NUP153: variants seen among roughly 807,000 people sequenced by gnomAD.
The protein encoded by NUP153 is nucleoporin 153, also known as nuclear pore complex protein Nup153.
NUP153 carries 27 observed loss-of-function variants against 134.6 expected under a neutral mutation model. The observed-to-expected ratio is 0.20, with a 90% CI of 0.15 to 0.28. NUP153 has a LOEUF of 0.28. NUP153 is among the 10% of genes least tolerant of loss of function. NUP153 has a pLI of 1.00. For synonymous variants in NUP153, 640 were observed against 623.5 expected, an observed-to-expected ratio of 1.03 and a Z score of -0.40; for missense variants, 1,821 against 1,731.3, an observed-to-expected ratio of 1.05 and a Z score of -0.92.
chr6:17,646,032 G>A (rs1766155111), intron 14 of NUP153, 35 bp downstream of exon 14: 1 of 931,596 alleles, frequency 1.1e-6, no homozygotes. Flanking sequence ...GTATGCAATT[G>A]TTTGTATGTT....
chr6:17,646,899 C>T (rs1228878998), intron 13 of NUP153, among the ~76,000 whole-genome samples: 2 of 148,486 alleles, frequency 1.3e-5, no homozygotes, highest in African/African-American at 2.5e-5. Context: ...ACCACCATGC[C>T]TGGCTAATTC....
chr6:17,616,203 T>C (rs1269974350), intron 21 of NUP153, 22 bp from the exon 22 acceptor site: 2 of 1,514,232 alleles, frequency 1.3e-6, no homozygotes, highest in East Asian at 5.3e-5. Flanking sequence ...AAAAACTTCA[T>C]AATGTGACAT....
chr6:17,661,039 G>A (rs1767144058), intron 11 of NUP153, among the ~76,000 whole-genome samples: 1 of 152,086 alleles, frequency 6.6e-6, no homozygotes, highest in African/African-American at 2.4e-5. Flanking sequence ...GACAGGCAGG[G>A]CACGGTGGCT....
chr6:17,616,666 T>C lies in NUP153; in HGVS notation c.4204A>G (p.Thr1402Ala), dbSNP rs774932372. ...CTGTTGTTTGTGAAGTTGAAATTTG[T>C]AGTGCTGCTGCCAAACTGGAAAGCC... ...SSAFQFGSST[T>A]NFNFTNNSPS... Residue 1402 changes from threonine (T) to alanine (A), a missense_variant, in exon 21 of 22, where the codon ACA (threonine) becomes GCA (alanine). Coordinates refer to ENST00000262077, the MANE Select transcript of NUP153 (RefSeq NM_005124.4). The C allele has an allele frequency of 1.5e-5, 25 of 1,613,730 alleles. No individual in the cohort carries two copies. Among genetic ancestry groups the C allele is most frequent in the Admixed American group, 1.0e-4 (6 of 59,998 alleles).
chr6:17,637,506 C>A lies in NUP153; in HGVS notation c.2111G>T (p.Gly704Val), dbSNP rs1337186919. The change falls in exon 16 of 22, where the codon GGC becomes GTC. Residue 704 changes from glycine (G) to valine (V), a missense_variant. Transcript: ENST00000262077. The stretch of plus-strand genomic sequence containing the variant: ...CCCTGATGCAGAAAGAGTTGTTTTG[C>A]CACTTTTATTTGGTGTTTCAATTCC... ...QTGIETPNKS[G>V]KTTLSASGTG... 2 of 1,614,046 alleles carry A rather than the reference C, an allele frequency of 1.2e-6. No homozygotes were observed. The highest frequency in any genetic ancestry group is 1.7e-6 in the Non-Finnish European group (2 of 1,180,042).
chr6:17,616,019 C>T lies in NUP153; in HGVS notation c.*78G>A. On this transcript the variant is annotated 3_prime_UTR_variant, in exon 22 of 22. Transcript: ENST00000262077. ...TAGGCAGATCTGACTTCAGATAACCCCAGCACAAAGTACAATCCAGTATCT... is the reference window on the plus strand; with the variant it reads ...TAGGCAGATCTGACTTCAGATAACCTCAGCACAAAGTACAATCCAGTATCT... The T allele has an allele frequency of 9.4e-7, 1 of 1,058,702 alleles. No homozygotes were observed. The highest frequency in any genetic ancestry group is 1.3e-5 in the South Asian group (1 of 75,464). The allele number at this position is 1,058,702 out of a possible 1,614,324, so 65.6% of individuals were successfully genotyped here.
chr6:17,638,385 T>A lies in NUP153; in HGVS notation c.1847-615A>T, dbSNP rs184385495. Among the ~76,000 whole-genome samples, 2 of 152,306 alleles carry A rather than the reference T, an allele frequency of 1.3e-5. No individual in the cohort carries two copies. Among genetic ancestry groups the A allele is most frequent in the Admixed American group, 1.3e-4 (2 of 15,296 alleles). ...TTTTGTCTTACACACAACACCACCA[T>A]CTGTGATCTGTTTCTCCAGCCTTAC... On this transcript the variant is annotated intron_variant, in intron 15 of 21. Transcript: ENST00000262077. This position sits in a 1 kb window ranked among gnomAD's most constrained non-coding sequence, Gnocchi z 4.0.
At chr6:17,637,814 T>C (rs1193213719) in intron 15 of NUP153, 44 bp from the exon 16 acceptor site, 6 of 1,535,736 alleles carry the variant, frequency 3.9e-6, no homozygotes, top group Non-Finnish European at 5.2e-6. Flanking sequence ...AGAAGCTTTA[T>C]AAATCAAAGC....
At chr6:17,637,122 G>A (rs779590384) in intron 16 of NUP153, 31 bp downstream of exon 16, 1 of 1,567,854 alleles carries the variant, frequency 6.4e-7, no homozygotes, top group Non-Finnish European at 8.7e-7. Context: ...GAAGTAATAA[G>A]CAAAATTACT....
chr6:17,647,660 T>C, intron 13 of NUP153, 147 bp downstream of exon 13: 1 of 599,318 alleles, frequency 1.7e-6, no homozygotes, highest in Non-Finnish European at 2.9e-6. Flanking sequence ...GAATACATGA[T>C]TGTTCAAAAG....
intron 1 of NUP153, among the ~76,000 whole-genome samples, chr6:17,690,455 T>C (rs987545329): frequency 1.3e-5 from 2 of 152,174 alleles, no homozygotes; most frequent in Non-Finnish European, 2.9e-5. Flanking sequence ...TTTGATTTAC[T>C]CTAGGTAAAA....
chr6:17,675,421 T>G lies in NUP153; in HGVS notation c.584-53A>C. On this transcript the variant is annotated intron_variant, in intron 3 of 21. Transcript: ENST00000262077. The surrounding 1 kb of genome is among the most constrained non-coding windows in gnomAD (Gnocchi z 4.4). Reference sequence around the variant, plus strand: ...AATAACACCAATACAAGAGCCTAGATTTTTATAAATAGAAAATAAAAATTA... The same window carrying G: ...AATAACACCAATACAAGAGCCTAGAGTTTTATAAATAGAAAATAAAAATTA... 1 of 1,571,014 alleles carries G rather than the reference T, an allele frequency of 6.4e-7. No homozygotes were observed. The highest frequency in any genetic ancestry group is 1.9e-5 in the Admixed American group (1 of 51,732).
intron 14 of NUP153, among the ~76,000 whole-genome samples, chr6:17,643,451 G>A (rs1335455125): frequency 6.6e-6 from 1 of 152,136 alleles, no homozygotes; most frequent in African/African-American, 2.4e-5. Context: ...CAGCCTGGGT[G>A]ACAGAATGTG....
intron 1 of NUP153, among the ~76,000 whole-genome samples, chr6:17,694,310 C>T (rs1769486826): frequency 6.6e-6 from 1 of 152,080 alleles, no homozygotes; most frequent in African/African-American, 2.4e-5. Flanking sequence ...GGATAAAGAC[C>T]CTTTTCTGGT....
intron 8 of NUP153, 103 bp from the exon 9 acceptor site, chr6:17,665,488 T>C: frequency 1.1e-6 from 1 of 871,644 alleles, no homozygotes; most frequent in Non-Finnish European, 1.8e-6. Flanking sequence ...CATGAGTATT[T>C]CCCAGAGAAA....
At chr6:17,703,600 C>A (rs903642645) in intron 1 of NUP153, among the ~76,000 whole-genome samples, 3 of 151,386 alleles carry the variant, frequency 2.0e-5, no homozygotes, top group African/African-American at 4.9e-5. Flanking sequence ...AGTGGGTAGA[C>A]CCTATGTCCA....
intron 1 of NUP153, among the ~76,000 whole-genome samples, chr6:17,697,835 T>A (rs1423935225): frequency 6.6e-6 from 1 of 152,066 alleles, no homozygotes; most frequent in East Asian, 1.9e-4. Context: ...TAACACTAAC[T>A]CAGAACTCAC....
intron 8 of NUP153, among the ~76,000 whole-genome samples, chr6:17,666,060 A>G (rs1383756166): frequency 6.6e-6 from 1 of 151,712 alleles, no homozygotes; most frequent in African/African-American, 2.4e-5. Flanking sequence ...TCTGGGCTCA[A>G]GCAATCCTTC....
At chr6:17,667,658 G>A (rs1350734288) in intron 8 of NUP153, among the ~76,000 whole-genome samples, 1 of 152,144 alleles carries the variant, frequency 6.6e-6, no homozygotes, top group Non-Finnish European at 1.5e-5. Flanking sequence ...AGGTTGCAGT[G>A]AGCTGCGACT....
Sources: allele counts gnomAD v4.1 joint callset (sites outside exome capture counted in the v4.1 genomes callset), GRCh38; gene constraint gnomAD v4.1.1; non-coding constraint Gnocchi (gnomAD v3.1); transcripts MANE v1.5; gene names NCBI Gene and HGNC (gene_info 2026-07-23, HGNC 2026-07-21).